The following ARHGEF6 variants were observed in gnomAD, a reference collection of about 807,000 sequenced individuals.
The protein encoded by ARHGEF6 is Rac/Cdc42 guanine nucleotide exchange factor 6, also known as rho guanine nucleotide exchange factor 6.
ARHGEF6 carries 9 observed loss-of-function variants against 70.3 expected under a neutral mutation model. The ratio of observed to expected loss-of-function variants is 0.13; its 90% CI spans 0.08 to 0.22. The LOEUF (loss-of-function observed/expected upper bound fraction) is 0.22. Among genes scored for constraint, ARHGEF6 ranks in the 10% least tolerant of loss-of-function variants. The pLI, the probability that ARHGEF6 is intolerant of heterozygous loss-of-function variation, is 1.00. For missense variants in ARHGEF6, 470 were observed against 563.0 expected, an observed-to-expected ratio of 0.83 and a Z score of 1.67; for synonymous variants, 201 against 207.8, an observed-to-expected ratio of 0.97 and a Z score of 0.28.
chrX:136,706,643 A>C (rs1029656338), intron 9 of ARHGEF6, among the ~76,000 whole-genome samples: 1 of 111,884 alleles, frequency 8.9e-6, no homozygotes, highest in Non-Finnish European at 1.9e-5. Flanking sequence ...ATTTCCCTCA[A>C]GATTCTGTGC....
chrX:136,774,908 T>C (rs887282702), intron 2 of ARHGEF6, among the ~76,000 whole-genome samples: 3 of 109,630 alleles, frequency 2.7e-5, no homozygotes, highest in Non-Finnish European at 5.7e-5. Context: ...TAGGGGAAAA[T>C]GGAATAAAAT....
At chrX:136,684,781 T>C (rs1051761321) in intron 12 of ARHGEF6, among the ~76,000 whole-genome samples, 1 of 111,740 alleles carries the variant, frequency 8.9e-6, no homozygotes, top group African/African-American at 3.3e-5. Flanking sequence ...CTTCTAAAGA[T>C]GCCTCCAATT....
At chrX:136,761,999 C>T (rs1476735074) in intron 2 of ARHGEF6, among the ~76,000 whole-genome samples, 1 of 111,059 alleles carries the variant, frequency 9.0e-6, no homozygotes, top group Admixed American at 9.6e-5. Flanking sequence ...ACTGCAACCT[C>T]CGCCTCCCGG....
chrX:136,703,733 G>A (rs1237845037), intron 9 of ARHGEF6, among the ~76,000 whole-genome samples: 6 of 112,247 alleles, frequency 5.3e-5, no homozygotes. Flanking sequence ...TGTTGGTCAG[G>A]CTGGTCTCAA....
chrX:136,776,419 AAAC>A (rs1441488558), intron 2 of ARHGEF6, among the ~76,000 whole-genome samples: 5 of 111,777 alleles, frequency 4.5e-5, no homozygotes, highest in Non-Finnish European at 9.4e-5. Context: ...TTGACAAAGC[AAAC>A]AAAAACATAA....
Position 136,677,980 on chromosome X carries a change from A to G in ARHGEF6, c.1831-24T>C, listed in dbSNP as rs771615230. On this transcript the variant is annotated intron_variant, in intron 16 of 21. Coordinates refer to ENST00000250617, the MANE Select transcript of ARHGEF6 (RefSeq NM_004840.3). The stretch of plus-strand genomic sequence containing the variant: ...CTCTAAAATGAATATGTAAAGAAAG[A>G]GAAGATGAGCGTGAGAGGTCGATGG... 9.2e-6 allele frequency: 11 copies of G among 1,189,680 alleles called. No individual in the cohort carries two copies. The South Asian group carries it at 2.0e-4, about 21-fold the overall frequency.
chrX:136,678,303 T>C (rs1244205540), intron 16 of ARHGEF6, among the ~76,000 whole-genome samples: 1 of 111,928 alleles, frequency 8.9e-6, no homozygotes, highest in Non-Finnish European at 1.9e-5. Flanking sequence ...ACTTTACTCT[T>C]CAAAGCTCAC....
At chrX:136,763,562 C>T (rs761998484) in intron 2 of ARHGEF6, among the ~76,000 whole-genome samples, 111 of 112,283 alleles carry the variant, frequency 9.9e-4, no homozygotes, top group Non-Finnish European at 1.8e-3. Flanking sequence ...CGGTGGCTTA[C>T]GCCTGTAATC....
chrX:136,679,259 A>G (rs949499475), intron 16 of ARHGEF6, among the ~76,000 whole-genome samples: 1 of 112,264 alleles, frequency 8.9e-6, no homozygotes, highest in Non-Finnish European at 1.9e-5. Context: ...AAGGATTATC[A>G]TAATAATCAT....
At chrX:136,716,221 G>C (rs762979832) in intron 6 of ARHGEF6, among the ~76,000 whole-genome samples, 4 of 112,870 alleles carry the variant, frequency 3.5e-5, no homozygotes, top group African/African-American at 1.3e-4. Flanking sequence ...GATTACAGGC[G>C]TGAGCCACTG....
chrX:136,771,543 T>C (rs2077363384), intron 2 of ARHGEF6, among the ~76,000 whole-genome samples: 1 of 112,395 alleles, frequency 8.9e-6, no homozygotes, highest in Admixed American at 9.4e-5. Flanking sequence ...AAGAATGAAT[T>C]TGGACCCGTA....
At chrX:136,699,784 G>T (rs1049172753) in intron 9 of ARHGEF6, among the ~76,000 whole-genome samples, 5 of 111,360 alleles carry the variant, frequency 4.5e-5, no homozygotes, top group Non-Finnish European at 9.4e-5. Context: ...TGCTTTTGTG[G>T]GTTTGGGATC....
In ARHGEF6 at chrX:136,668,099, C is replaced by T. The variant is rs763188476; in HGVS notation, c.2261G>A (p.Arg754Gln). 3.3e-6 allele frequency: 4 copies of T among 1,209,718 alleles called. No homozygotes were observed. The highest frequency in any genetic ancestry group is 4.5e-6 in the Non-Finnish European group (4 of 894,894). ...CTCATCTGTTTGCTTCAAAAGCCTC[C>T]GCACCAGCTTTTCTAGGTCCCTTCT... ...KSRRDLEKLV[R>Q]RLLKQTDECI... Residue 754 changes from arginine to glutamine, a missense_variant, in exon 22 of 22, where the codon CGG (arginine) becomes CAG (glutamine). This residue lies in a region of ARHGEF6 where 88 missense variants were observed against 95.5 expected (regional missense o/e 0.92). Transcript: ENST00000250617.
intron 6 of ARHGEF6, among the ~76,000 whole-genome samples, chrX:136,727,395 T>TTCTTTCTTTC (rs1491576833): frequency 1.8e-3 from 94 of 53,561 alleles, no homozygotes; most frequent in African/African-American, 6.1e-3. Context: ...CTTTCTTTCT[T>TTCTTTCTTTC]TCTCTCTCTC....
At chrX:136,772,935 C>T (rs938477920) in intron 2 of ARHGEF6, among the ~76,000 whole-genome samples, 11 of 111,638 alleles carry the variant, frequency 9.9e-5, no homozygotes, top group Admixed American at 5.7e-4. Flanking sequence ...GGGGTGCTTC[C>T]GAGAGCACTT....
intron 2 of ARHGEF6, 90 bp from the exon 3 acceptor site, chrX:136,747,682 C>CA (rs199589346): frequency 0.086 from 16,035 of 186,056 alleles, 1,256 homozygotes; most frequent in African/African-American, 0.19. Context: ...TCCAGCTCTC[C>CA]GGAAAAAAAA....
rs184115538 is a variant in ARHGEF6 at position 136,666,142 on chromosome X, C to T, written c.*1887G>A. On this transcript the variant is annotated 3_prime_UTR_variant, in exon 22 of 22. Coordinates refer to ENST00000250617, the MANE Select transcript of ARHGEF6 (RefSeq NM_004840.3). ...CTGTGCTAAAAAACAGAACAACAGC[C>T]ATTCCTAGAAATTTCTTTACTCTTC... 1.5e-4 allele frequency: 17 copies of T among 112,236 alleles called. No homozygotes were observed. The highest frequency in any genetic ancestry group is 5.5e-4 in the African/African-American group (17 of 30,871). The allele number at this position is 112,236 out of a possible 1,213,427, so 9.2% of individuals were successfully genotyped here.
chrX:136,670,213 T>C (rs1016036982), intron 20 of ARHGEF6, among the ~76,000 whole-genome samples: 3 of 112,120 alleles, frequency 2.7e-5, no homozygotes, highest in Non-Finnish European at 3.8e-5. Flanking sequence ...CCTAATACAA[T>C]GTAAATGCTA....
intron 11 of ARHGEF6, among the ~76,000 whole-genome samples, chrX:136,687,547 C>G (rs2076416614): frequency 8.9e-6 from 1 of 112,100 alleles, no homozygotes; most frequent in African/African-American, 3.2e-5. Context: ...AGAAAAAACT[C>G]ATACCCTTTG....
Sources: allele counts gnomAD v4.1 joint callset (sites outside exome capture counted in the v4.1 genomes callset), GRCh38; gene constraint gnomAD v4.1.1; regional missense constraint gnomAD v4.1.1; transcripts MANE v1.5; gene names NCBI Gene and HGNC (gene_info 2026-07-23, HGNC 2026-07-21).